CRISPLD1: variants seen among roughly 807,000 people sequenced by gnomAD.
CRISPLD1 encodes the protein cysteine-rich secretory protein LCCL domain-containing 1.
In CRISPLD1, 60 loss-of-function variants were observed where a neutral mutation model predicts 77.5. That is an observed-to-expected ratio of 0.77 (90% CI 0.63 to 0.96). CRISPLD1 has a LOEUF of 0.96. Ranked by LOEUF, CRISPLD1 falls within the 40% of genes least tolerant of loss-of-function variation. The pLI is 0.00. For missense variants in CRISPLD1, 623 were observed against 615.8 expected (o/e 1.01, Z -0.12); for synonymous variants, 195 against 200.1 (o/e 0.97, Z 0.22).
chr8:75,024,097 G>A (rs1813190106), intron 12 of CRISPLD1, among the ~76,000 whole-genome samples: 1 of 152,156 alleles, frequency 6.6e-6, no homozygotes, highest in Admixed American at 6.5e-5. Context: ...AGGCTCTAAG[G>A]CAGAAGCCTA....
chr8:74,996,141 G>A (rs1383836201), intron 2 of CRISPLD1, among the ~76,000 whole-genome samples: 1 of 150,546 alleles, frequency 6.6e-6, no homozygotes, highest in East Asian at 2.0e-4. Flanking sequence ...ATGTATATGT[G>A]TGATATTTAG....
intron 2 of CRISPLD1, among the ~76,000 whole-genome samples, chr8:74,996,960 T>A (rs1460924794): frequency 6.6e-6 from 1 of 152,004 alleles, no homozygotes; most frequent in African/African-American, 2.4e-5. Context: ...CAAGTGATCC[T>A]CCTGCCTCGG....
intron 2 of CRISPLD1, among the ~76,000 whole-genome samples, chr8:74,996,709 C>CTTTTTT (rs1178454369): frequency 4.1e-5 from 3 of 73,348 alleles, no homozygotes; most frequent in Non-Finnish European, 7.6e-5. Context: ...GAGCCAGAAT[C>CTTTTTT]TTTTTTTTTT....
chr8:74,996,076 T>C (rs1812642621), intron 2 of CRISPLD1, among the ~76,000 whole-genome samples: 2 of 150,658 alleles, frequency 1.3e-5, no homozygotes, highest in Non-Finnish European at 3.0e-5. Context: ...GTGTTTTATA[T>C]ATATATACAT....
Position 74,985,389 on chromosome 8 carries a change from A to G in CRISPLD1, c.-63+469A>G, listed in dbSNP as rs145761565. Among the ~76,000 whole-genome samples the G allele has an allele frequency of 1.9e-3, 282 of 152,322 alleles. 1 individual carries two copies. The highest frequency in any genetic ancestry group is 6.3e-3 in the African/African-American group (262 of 41,574). Reference sequence around the variant, plus strand: ...CCTAGATGTAGCCATGGATGCATATATGAATAGCCTTTTGTATTTCTTTGA... The same window carrying G: ...CCTAGATGTAGCCATGGATGCATATGTGAATAGCCTTTTGTATTTCTTTGA... On this transcript the variant is annotated intron_variant, in intron 1 of 14. Transcript: ENST00000262207.
intron 2 of CRISPLD1, among the ~76,000 whole-genome samples, chr8:75,011,633 G>T (rs1359377029): frequency 6.6e-6 from 1 of 151,612 alleles, no homozygotes; most frequent in Non-Finnish European, 1.5e-5. Flanking sequence ...TAACTTAATC[G>T]GTGATTTAAA....
intron 10 of CRISPLD1, 124 bp downstream of exon 10, chr8:75,017,574 C>A: frequency 2.4e-6 from 2 of 824,556 alleles, no homozygotes; most frequent in South Asian, 2.3e-5. Context: ...TTTCAAGGTT[C>A]ATTTTAGCTT....
At chr8:75,009,528 A>G (rs1812893082) in intron 2 of CRISPLD1, among the ~76,000 whole-genome samples, 1 of 151,866 alleles carries the variant, frequency 6.6e-6, no homozygotes, top group African/African-American at 2.4e-5. Flanking sequence ...ACTTCCAGGA[A>G]CTGTTTCTAT....
intron 12 of CRISPLD1, among the ~76,000 whole-genome samples, chr8:75,021,708 T>C (rs979148514): frequency 5.3e-5 from 8 of 152,166 alleles, no homozygotes; most frequent in South Asian, 2.1e-4. Context: ...GAGAAATATT[T>C]TTTTCAGAAT....
At chr8:75,019,154 A>G (rs1181137946) in intron 10 of CRISPLD1, among the ~76,000 whole-genome samples, 4 of 152,150 alleles carry the variant, frequency 2.6e-5, no homozygotes, top group Admixed American at 2.0e-4. Flanking sequence ...TGGACACGTT[A>G]TAGATGATGA....
rs1006546751 is a variant in CRISPLD1 at position 74,984,829 on chromosome 8, C to T, written c.-154C>T. 5.9e-5 allele frequency: 9 copies of T among 152,310 alleles called. No homozygotes were observed. The highest frequency in any genetic ancestry group is 1.2e-4 in the Non-Finnish European group (8 of 68,124). 9.4% of individuals were successfully genotyped at this position (152,310 alleles called of 1,614,324 possible). On this transcript the variant is annotated 5_prime_UTR_variant, in exon 1 of 15. Coordinates refer to ENST00000262207, the MANE Select transcript of CRISPLD1 (RefSeq NM_031461.6). ...TCAGGCCCTTCGCGAGCGGGGCTCT[C>T]CGTCTGCGGTCCCTTGTGAAGGCTC... is the stretch of plus-strand genomic sequence containing the variant.
At chr8:75,022,324 C>T (rs964421702) in intron 12 of CRISPLD1, among the ~76,000 whole-genome samples, 6 of 151,816 alleles carry the variant, frequency 4.0e-5, no homozygotes, top group African/African-American at 1.2e-4. Flanking sequence ...TGGTGGCTCA[C>T]GCCTGTAATC....
At chr8:74,991,071 CA>C (rs1587004047) in intron 2 of CRISPLD1, among the ~76,000 whole-genome samples, 4 of 151,984 alleles carry the variant, frequency 2.6e-5, no homozygotes, top group Admixed American at 6.6e-5. Context: ...CAGCTCAGTG[CA>C]ACCTCCACCT....
At chr8:75,019,407 AT>A (rs1247245681) in intron 10 of CRISPLD1, among the ~76,000 whole-genome samples, 1 of 152,126 alleles carries the variant, frequency 6.6e-6, no homozygotes, top group Admixed American at 6.5e-5. Flanking sequence ...ATTTTACTGT[AT>A]AATTTTGCTA....
chr8:74,990,998 T>G (rs35120915), intron 2 of CRISPLD1, among the ~76,000 whole-genome samples: 1,610 of 149,426 alleles, frequency 0.011, 25 homozygotes, highest in African/African-American at 0.037. Flanking sequence ...CCAATCCTAT[T>G]TTTTTTTTTT....
intron 6 of CRISPLD1, among the ~76,000 whole-genome samples, chr8:75,015,557 A>G (rs1237312583): frequency 6.6e-6 from 1 of 152,216 alleles, no homozygotes; most frequent in African/African-American, 2.4e-5. Context: ...CATTCAAGTG[A>G]ACATTTTTTA....
At chr8:75,019,029 A>G (rs1813087148) in intron 10 of CRISPLD1, among the ~76,000 whole-genome samples, 1 of 152,208 alleles carries the variant, frequency 6.6e-6, no homozygotes, top group African/African-American at 2.4e-5. Flanking sequence ...TTATCCTGTT[A>G]TTTACTTCTT....
intron 12 of CRISPLD1, among the ~76,000 whole-genome samples, chr8:75,021,304 G>T: frequency 6.6e-6 from 1 of 152,114 alleles, no homozygotes; most frequent in Admixed American, 6.5e-5. Flanking sequence ...TTTTCTGTCA[G>T]TTTCTAAGTT....
chr8:75,011,096 G>A (rs1178295938), intron 2 of CRISPLD1, among the ~76,000 whole-genome samples: 2 of 136,322 alleles, frequency 1.5e-5, no homozygotes, highest in Non-Finnish European at 3.0e-5. Context: ...CAAGTTCTAG[G>A]AGTTTAAATT....
Sources: gnomAD v4.1 joint callset for allele counts (sites outside exome capture counted in the v4.1 genomes callset) on GRCh38, gnomAD v4.1.1 for gene constraint, MANE v1.5 for transcripts, NCBI Gene and HGNC (gene_info 2026-07-23, HGNC 2026-07-21) for gene names.